PDE7B: variants seen among roughly 807,000 people sequenced by gnomAD.
PDE7B encodes phosphodiesterase 7B, also known as 3',5'-cyclic-AMP phosphodiesterase 7B.
PDE7B carries 29 observed loss-of-function variants against 56.2 expected under a neutral mutation model. The observed-to-expected ratio is 0.52, with a 90% CI of 0.38 to 0.70. PDE7B has a LOEUF of 0.70. Ranked by LOEUF, PDE7B falls within the 30% of genes least tolerant of loss-of-function variation. The pLI, the probability that PDE7B is intolerant of heterozygous loss-of-function variation, is 0.00. For missense variants in PDE7B, 490 were observed against 565.0 expected, an observed-to-expected ratio of 0.87 and a Z score of 1.35; for synonymous variants, 197 against 196.9, an observed-to-expected ratio of 1.00 and a Z score of 0.00.
chr6:136,031,688 G>A (rs897642412), intron 2 of PDE7B, among the ~76,000 whole-genome samples: 1 of 142,346 alleles, frequency 7.0e-6, no homozygotes, highest in East Asian at 2.1e-4. Flanking sequence ...GCAGTGAGCC[G>A]AGATCCCGCC....
chr6:135,951,581 A>G (rs1175388084), intron 2 of PDE7B, among the ~76,000 whole-genome samples: 1 of 152,178 alleles, frequency 6.6e-6, no homozygotes, highest in African/African-American at 2.4e-5. Context: ...GAAACTTTCA[A>G]GAAGAAATTG....
chr6:135,932,061 A>G (rs1774304001), intron 1 of PDE7B, among the ~76,000 whole-genome samples: 1 of 152,026 alleles, frequency 6.6e-6, no homozygotes, highest in Non-Finnish European at 1.5e-5. Flanking sequence ...GGCCCTAAGG[A>G]CCTCGTGGCT....
chr6:136,089,856 CTCCT>C (rs1777357154), intron 2 of PDE7B, among the ~76,000 whole-genome samples: 1 of 152,136 alleles, frequency 6.6e-6, no homozygotes, highest in Non-Finnish European at 1.5e-5. Flanking sequence ...GTGTCTTTTT[CTCCT>C]TCCTTATTTT....
chr6:136,023,517 G>A (rs1280308216), intron 2 of PDE7B, among the ~76,000 whole-genome samples: 1 of 152,188 alleles, frequency 6.6e-6, no homozygotes, highest in African/African-American at 2.4e-5. Context: ...CCTCAACAGA[G>A]AGGCTGAGGA....
intron 2 of PDE7B, among the ~76,000 whole-genome samples, chr6:135,986,275 T>C (rs1209389739): frequency 1.3e-5 from 2 of 152,260 alleles, no homozygotes; most frequent in African/African-American, 4.8e-5. Flanking sequence ...CATTTTGTTT[T>C]AGCCCTCTCC....
At chr6:135,967,580 A>C (rs186953576) in intron 2 of PDE7B, among the ~76,000 whole-genome samples, 1 of 152,156 alleles carries the variant, frequency 6.6e-6, no homozygotes, top group South Asian at 2.1e-4. Context: ...ACAACAACCT[A>C]TCTGCTCTCA....
At chr6:136,038,185 TAGC>T (rs150803314) in intron 2 of PDE7B, 304 of 1,277,524 alleles carry the variant, frequency 2.4e-4, no homozygotes, top group Admixed American at 3.5e-4. Context: ...TCCCCTGTGG[TAGC>T]AGCAGCAGCA....
At chr6:135,934,131 T>C (rs1195876112) in intron 1 of PDE7B, among the ~76,000 whole-genome samples, 1 of 152,194 alleles carries the variant, frequency 6.6e-6, no homozygotes, top group Non-Finnish European at 1.5e-5. Context: ...TATCTCTCCT[T>C]ATAAAGAAGC....
chr6:136,027,921 CT>C (rs1176319300), intron 2 of PDE7B, among the ~76,000 whole-genome samples: 7 of 152,198 alleles, frequency 4.6e-5, no homozygotes, highest in African/African-American at 1.7e-4. Context: ...CACGCCCAGC[CT>C]GTCATTTTTA....
At chr6:136,070,640 A>G (rs1466974253) in intron 2 of PDE7B, among the ~76,000 whole-genome samples, 1 of 152,192 alleles carries the variant, frequency 6.6e-6, no homozygotes, top group African/African-American at 2.4e-5. Flanking sequence ...AATTTAAAAA[A>G]CATTGAAAAT....
chr6:136,195,012 T>C lies in PDE7B; in HGVS notation c.*3172T>C, dbSNP rs1779292312. On this transcript the variant is annotated 3_prime_UTR_variant, in exon 13 of 13. Coordinates refer to ENST00000308191, the MANE Select transcript of PDE7B (RefSeq NM_018945.4). ...TGCCAGGTTTAATTCTTTCATTGCT[T>C]GAGAAGAAAGGAATCAAAGGACTGT... 1 of 152,192 alleles carries C rather than the reference T, an allele frequency of 6.6e-6. No homozygotes were observed. The highest frequency in any genetic ancestry group is 2.4e-5 in the African/African-American group (1 of 41,436). The allele number at this position is 152,192 out of a possible 1,614,324, so 9.4% of individuals were successfully genotyped here.
chr6:135,864,428 C>T (rs1181050023), intron 1 of PDE7B, among the ~76,000 whole-genome samples: 6 of 151,974 alleles, frequency 3.9e-5, no homozygotes, highest in Non-Finnish European at 8.8e-5. Flanking sequence ...TATGAAATGG[C>T]TTTATTTTAC....
chr6:136,019,757 G>A (rs1039107796), intron 2 of PDE7B, among the ~76,000 whole-genome samples: 2 of 152,114 alleles, frequency 1.3e-5, no homozygotes, highest in Non-Finnish European at 2.9e-5. Flanking sequence ...ATCATTTACT[G>A]TATTCTTACA....
chr6:135,914,485 C>CTTTTTTTTT (rs759938662), intron 1 of PDE7B, among the ~76,000 whole-genome samples: 2 of 41,914 alleles, frequency 4.8e-5, no homozygotes, highest in African/African-American at 2.9e-4. Flanking sequence ...TTTTATAATG[C>CTTTTTTTTT]TTTTTTTTTT....
At chr6:135,949,589 C>A (rs1774661081) in intron 2 of PDE7B, among the ~76,000 whole-genome samples, 1 of 152,050 alleles carries the variant, frequency 6.6e-6, no homozygotes, top group South Asian at 2.1e-4. Context: ...AAACACCTTA[C>A]ATAATTAGAT....
chr6:135,991,116 C>T (rs1775471910), intron 2 of PDE7B, among the ~76,000 whole-genome samples: 1 of 152,172 alleles, frequency 6.6e-6, no homozygotes, highest in Non-Finnish European at 1.5e-5. Flanking sequence ...AGAGGTCACT[C>T]TTACCGCCAT....
intron 2 of PDE7B, among the ~76,000 whole-genome samples, chr6:136,039,559 A>G (rs1776382178): frequency 6.6e-6 from 1 of 152,196 alleles, no homozygotes; most frequent in African/African-American, 2.4e-5. Flanking sequence ...TTATGCCAGG[A>G]ACTTTTTTTA....
intron 2 of PDE7B, among the ~76,000 whole-genome samples, chr6:136,002,026 A>T (rs968462429): frequency 6.6e-6 from 1 of 152,240 alleles, no homozygotes; most frequent in Non-Finnish European, 1.5e-5. Context: ...ATAAGCCAGA[A>T]GAGAGTGGGG....
chr6:135,925,214 G>T (rs1238094354), intron 1 of PDE7B, among the ~76,000 whole-genome samples: 1 of 152,012 alleles, frequency 6.6e-6, no homozygotes, highest in Non-Finnish European at 1.5e-5. Context: ...ACTGCCAAGG[G>T]TTCAACTTGG....
Sources: allele counts gnomAD v4.1 joint callset (sites outside exome capture counted in the v4.1 genomes callset), GRCh38; gene constraint gnomAD v4.1.1; transcripts MANE v1.5; gene names NCBI Gene and HGNC (gene_info 2026-07-23, HGNC 2026-07-21).